Variants in PIK3CB observed in about 807,000 individuals in gnomAD.
PIK3CB encodes the protein phosphatidylinositol-4,5-bisphosphate 3-kinase catalytic subunit beta, also known as phosphatidylinositol 4,5-bisphosphate 3-kinase catalytic subunit beta isoform.
PIK3CB carries 39 observed loss-of-function variants against 136.8 expected under a neutral mutation model. The observed-to-expected ratio is 0.29, with a 90% CI of 0.22 to 0.37. The LOEUF (loss-of-function observed/expected upper bound fraction) is 0.37. Ranked by LOEUF, PIK3CB falls within the 10% of genes least tolerant of loss-of-function variation. The pLI is 1.00. For synonymous variants in PIK3CB, 428 were observed against 436.6 expected, an observed-to-expected ratio of 0.98 and a Z score of 0.25; for missense variants, 868 against 1,275.4, an observed-to-expected ratio of 0.68 and a Z score of 4.87.
intron 12 of PIK3CB, among the ~76,000 whole-genome samples, chr3:138,699,494 T>C (rs889948715): frequency 6.7e-6 from 1 of 148,196 alleles, no homozygotes; most frequent in Non-Finnish European, 1.5e-5. Flanking sequence ...TTACAAAAAA[T>C]ACAAAATACA....
chr3:138,769,227 A>G (rs2045771173), intron 2 of PIK3CB, among the ~76,000 whole-genome samples: 1 of 152,224 alleles, frequency 6.6e-6, no homozygotes, highest in South Asian at 2.1e-4. Flanking sequence ...CACCGCTGCC[A>G]TCACTACTAT....
At chr3:138,685,632 AAT>A (rs1396624846) in intron 16 of PIK3CB, among the ~76,000 whole-genome samples, 1 of 152,030 alleles carries the variant, frequency 6.6e-6, no homozygotes, top group Admixed American at 6.6e-5. Context: ...ATGATATCTC[AAT>A]ATATTCTATT....
chr3:138,695,002 G>A (rs2044105530), intron 13 of PIK3CB, 95 bp from the exon 14 acceptor site: 5 of 1,198,492 alleles, frequency 4.2e-6, no homozygotes, highest in Non-Finnish European at 5.7e-6. Flanking sequence ...GTCAAAAGAA[G>A]GCAAAGCTCA....
At chr3:138,793,356 A>T (rs1321830199) in intron 2 of PIK3CB, among the ~76,000 whole-genome samples, 1 of 152,232 alleles carries the variant, frequency 6.6e-6, no homozygotes, top group African/African-American at 2.4e-5. Flanking sequence ...CTGTAATCCT[A>T]GCACTTTGGG....
intron 19 of PIK3CB, among the ~76,000 whole-genome samples, chr3:138,675,097 C>T (rs561268641): frequency 6.6e-6 from 1 of 152,044 alleles, no homozygotes; most frequent in South Asian, 2.1e-4. Flanking sequence ...AATGATGTAT[C>T]AACAAAGGAA....
chr3:138,739,089 C>T (rs143805839), intron 5 of PIK3CB, among the ~76,000 whole-genome samples: 1 of 152,006 alleles, frequency 6.6e-6, no homozygotes, highest in Admixed American at 6.6e-5. Flanking sequence ...GAAGTGAAAA[C>T]TTTGGGATGT....
At chr3:138,754,092 T>G (rs919203450) in intron 4 of PIK3CB, among the ~76,000 whole-genome samples, 6 of 152,210 alleles carry the variant, frequency 3.9e-5, no homozygotes, top group African/African-American at 1.4e-4. Flanking sequence ...TCCTCTTCCA[T>G]ATATTCTTCA....
chr3:138,760,268 T>C (rs1461314081), intron 2 of PIK3CB, among the ~76,000 whole-genome samples: 4 of 152,030 alleles, frequency 2.6e-5, no homozygotes, highest in East Asian at 1.9e-4. Flanking sequence ...CCCCTAAGCA[T>C]TAAAAACACC....
chr3:138,785,370 G>T (rs919794771), intron 2 of PIK3CB, among the ~76,000 whole-genome samples: 2 of 152,172 alleles, frequency 1.3e-5, no homozygotes, highest in Non-Finnish European at 2.9e-5. Context: ...CAGTTTTGTC[G>T]AATAGAAAAG....
At chr3:138,707,311 G>C (rs1211511665) in intron 10 of PIK3CB, 22 bp from the exon 11 acceptor site, 1 of 1,576,972 alleles carries the variant, frequency 6.3e-7, no homozygotes, top group African/African-American at 1.4e-5. Flanking sequence ...AAATAATTTT[G>C]GTTCTTAAAA....
chr3:138,706,122 T>C (rs2044373755), intron 11 of PIK3CB, among the ~76,000 whole-genome samples: 1 of 152,222 alleles, frequency 6.6e-6, no homozygotes, highest in Non-Finnish European at 1.5e-5. Context: ...TGGCTCTCAC[T>C]TGTAATCCCA....
intron 2 of PIK3CB, chr3:138,778,519 C>T (rs886466269): frequency 1.1e-4 from 25 of 236,352 alleles, no homozygotes; most frequent in Admixed American, 2.6e-4. Flanking sequence ...CCTTCTATGT[C>T]CCCACAGCCA....
At chr3:138,738,822 C>T (rs1158611464) in intron 5 of PIK3CB, among the ~76,000 whole-genome samples, 1 of 152,188 alleles carries the variant, frequency 6.6e-6, no homozygotes, top group Non-Finnish European at 1.5e-5. Context: ...TAACTTATTG[C>T]TATTCTCTAT....
chr3:138,785,815 A>G (rs1054051877), intron 2 of PIK3CB, among the ~76,000 whole-genome samples: 54 of 151,402 alleles, frequency 3.6e-4, no homozygotes, highest in Admixed American at 2.8e-3. Context: ...AAGAATGATC[A>G]ATAAATACTT....
Position 138,831,009 on chromosome 3 carries a change from G to A in PIK3CB, c.-122+3686C>T, listed in dbSNP as rs1370514067. ...TTTATTTATTTATTGGGGGCAAGGC[G>A]CGGTGGCTCCCGCCTGGAGTCCCAG... On this transcript the variant is annotated intron_variant, in intron 1 of 23. Coordinates refer to ENST00000674063, the MANE Select transcript of PIK3CB (RefSeq NM_006219.3). 7.3e-5 allele frequency among the ~76,000 whole-genome samples: 11 copies of A among 149,802 alleles called. No individual in the cohort carries two copies. In the East Asian group the frequency reaches 1.8e-3, roughly 24 times the overall value.
At chr3:138,684,886 T>C in intron 16 of PIK3CB, 83 bp from the exon 17 acceptor site, 2 of 925,836 alleles carry the variant, frequency 2.2e-6, no homozygotes, top group Non-Finnish European at 1.7e-6. Flanking sequence ...CAATAACACC[T>C]GCTCCCAACA....
intron 2 of PIK3CB, among the ~76,000 whole-genome samples, chr3:138,763,124 A>C (rs1490916532): frequency 2.1e-5 from 3 of 143,502 alleles, no homozygotes; most frequent in Non-Finnish European, 4.4e-5. Flanking sequence ...GAAAGTTAGT[A>C]TGTATGTATG....
intron 21 of PIK3CB, among the ~76,000 whole-genome samples, 168 bp downstream of exon 21, chr3:138,663,738 A>C (rs1325753925): frequency 3.9e-5 from 6 of 152,310 alleles, no homozygotes; most frequent in South Asian, 4.1e-4. Flanking sequence ...ACAAATGAAT[A>C]CATGTAGTAG....
intron 14 of PIK3CB, among the ~76,000 whole-genome samples, chr3:138,692,266 G>T (rs1414444835): frequency 6.6e-6 from 1 of 152,166 alleles, no homozygotes; most frequent in Non-Finnish European, 1.5e-5. Context: ...AGATATCTGG[G>T]ACTGAAACCC....
Sources: allele counts gnomAD v4.1 joint callset (sites outside exome capture counted in the v4.1 genomes callset), GRCh38; gene constraint gnomAD v4.1.1; transcripts MANE v1.5; gene names NCBI Gene and HGNC (gene_info 2026-07-23, HGNC 2026-07-21).